ZMAT4: variants seen among roughly 807,000 people sequenced by gnomAD.
ZMAT4 encodes zinc finger matrin-type 4.
Under a neutral mutation model 28.7 loss-of-function variants are expected in ZMAT4, and 17 were observed. That is an observed-to-expected ratio of 0.59 (90% confidence interval 0.41 to 0.89). The LOEUF (loss-of-function observed/expected upper bound fraction) is 0.89. Among genes scored for constraint, ZMAT4 ranks in the 40% least tolerant of loss-of-function variants. ZMAT4 has a pLI of 0.00. For synonymous variants in ZMAT4, 117 were observed against 109.2 expected (o/e 1.07, Z -0.44); for missense variants, 240 against 283.8 (o/e 0.85, Z 1.11).
chr8:40,717,796 T>G (rs1274282222), intron 3 of ZMAT4, among the ~76,000 whole-genome samples: 2 of 152,184 alleles, frequency 1.3e-5, no homozygotes, highest in African/African-American at 4.8e-5. Context: ...GAACCTACTT[T>G]ACTAAAGTTA....
chr8:40,861,318 A>G (rs1250965468), intron 1 of ZMAT4, among the ~76,000 whole-genome samples: 1 of 152,252 alleles, frequency 6.6e-6, no homozygotes, highest in Non-Finnish European at 1.5e-5. Flanking sequence ...AAAACAAGCA[A>G]TGGGGAAAGA....
chr8:40,599,119 C>T (rs1805203731), intron 5 of ZMAT4, among the ~76,000 whole-genome samples: 2 of 152,294 alleles, frequency 1.3e-5, no homozygotes, highest in South Asian at 4.2e-4. Flanking sequence ...ACTACACATT[C>T]CCTTATTGTA....
chr8:40,684,290 C>A (rs1394445693), intron 4 of ZMAT4, among the ~76,000 whole-genome samples: 1 of 152,176 alleles, frequency 6.6e-6, no homozygotes, highest in Non-Finnish European at 1.5e-5. Context: ...GATCTGCTAA[C>A]TGGGCACTGC....
chr8:40,558,502 A>G (rs1414744112), intron 6 of ZMAT4, among the ~76,000 whole-genome samples: 1 of 152,054 alleles, frequency 6.6e-6, no homozygotes, highest in East Asian at 1.9e-4. Context: ...TGGCTTATGG[A>G]CAGATGTGGA....
intron 4 of ZMAT4, among the ~76,000 whole-genome samples, chr8:40,676,431 G>A (rs1808912960): frequency 6.6e-6 from 1 of 152,126 alleles, no homozygotes; most frequent in Non-Finnish European, 1.5e-5. Flanking sequence ...TCCTGTGTGT[G>A]TTCTTGGTCT....
chr8:40,534,910 T>G (rs1050933123), intron 6 of ZMAT4, among the ~76,000 whole-genome samples: 19 of 152,122 alleles, frequency 1.2e-4, no homozygotes, highest in Non-Finnish European at 1.9e-4. Context: ...CTCAAACTCC[T>G]GACCTCAGGT....
At chr8:40,780,026 C>G (rs1463160874) in intron 2 of ZMAT4, among the ~76,000 whole-genome samples, 1 of 152,096 alleles carries the variant, frequency 6.6e-6, no homozygotes, top group African/African-American at 2.4e-5. Context: ...ATCTTTCCCT[C>G]CCCTCCCAAC....
At chr8:40,801,345 A>ATATATATATATAT in intron 2 of ZMAT4, among the ~76,000 whole-genome samples, 1 of 49,052 alleles carries the variant, frequency 2.0e-5, no homozygotes, top group African/African-American at 9.5e-5. Context: ...TTTCTTTAAA[A>ATATATATATATAT]AAAAAAATAT....
intron 2 of ZMAT4, among the ~76,000 whole-genome samples, chr8:40,770,467 C>A (rs1270545048): frequency 6.6e-6 from 1 of 152,000 alleles, no homozygotes; most frequent in Non-Finnish European, 1.5e-5. Flanking sequence ...TGGAGACCTG[C>A]CAGGGAGCCC....
At chr8:40,698,217 T>G (rs1355014794) in intron 3 of ZMAT4, among the ~76,000 whole-genome samples, 3 of 152,158 alleles carry the variant, frequency 2.0e-5, no homozygotes, top group Non-Finnish European at 4.4e-5. Flanking sequence ...GGTGATTCAT[T>G]AAATGCTGCA....
At chr8:40,889,060 C>A (rs2150669849) in intron 1 of ZMAT4, among the ~76,000 whole-genome samples, 1 of 152,326 alleles carries the variant, frequency 6.6e-6, no homozygotes, top group African/African-American at 2.4e-5. Context: ...GTGACCCTGA[C>A]CAAGACAGCC....
rs75173854 is a variant in ZMAT4, at chr8:40,678,930, A to G, written c.350-3999T>C. Among the ~76,000 whole-genome samples, 71 of 152,348 alleles carry G rather than the reference A, an allele frequency of 4.7e-4. 2 individuals are homozygous for G. In the East Asian group the frequency reaches 0.013, roughly 28 times the overall value. On this transcript the variant is annotated intron_variant, in intron 4 of 6. Transcript: ENST00000297737. ...GGTCATGGACTGCTGTCCTATCTCCATATAAACACAGTGTATGGTATCTGT... is the reference window on the plus strand; with the variant it reads ...GGTCATGGACTGCTGTCCTATCTCCGTATAAACACAGTGTATGGTATCTGT...
intron 3 of ZMAT4, among the ~76,000 whole-genome samples, chr8:40,728,298 T>C (rs1269284732): frequency 6.6e-6 from 1 of 152,244 alleles, no homozygotes; most frequent in Admixed American, 6.5e-5. Flanking sequence ...TTAGTTAAAG[T>C]GATGCTAACC....
intron 1 of ZMAT4, among the ~76,000 whole-genome samples, chr8:40,876,300 T>C (rs1818039893): frequency 6.6e-6 from 1 of 152,072 alleles, no homozygotes; most frequent in Non-Finnish European, 1.5e-5. Context: ...AAATAGTATA[T>C]ACATTTTCTT....
chr8:40,716,647 G>T lies in ZMAT4; in HGVS notation c.193-19246C>A, dbSNP rs371785605. On this transcript the variant is annotated intron_variant, in intron 3 of 6. Transcript: ENST00000297737. ...GTGGAGGTTGTGGTGAACTGAGATC[G>T]TGCCACTGCACACCAGCCTGGGCGA... 1.3e-3 allele frequency among the ~76,000 whole-genome samples: 198 copies of T among 152,274 alleles called. 3 individuals carry two copies. In the South Asian group the frequency reaches 0.035, roughly 27 times the overall value.
intron 6 of ZMAT4, among the ~76,000 whole-genome samples, chr8:40,542,483 GGC>G (rs1327804222): frequency 1.3e-5 from 2 of 152,010 alleles, no homozygotes; most frequent in East Asian, 3.9e-4. Context: ...CAAACTCCTG[GGC>G]TCAAGTGATC....
In ZMAT4 at chr8:40,714,170, A is replaced by G. The variant is rs186244049; in HGVS notation, c.193-16769T>C. ...TAGAGAAACAGTCTTTTGGATAGTG[A>G]TTTGAGAATGTGGATCAAACACCTT... On this transcript the variant is annotated intron_variant, in intron 3 of 6. Coordinates refer to ENST00000297737, the MANE Select transcript of ZMAT4 (RefSeq NM_024645.3). Among the ~76,000 whole-genome samples the G allele has an allele frequency of 5.3e-5, 8 of 152,230 alleles. No individual in the cohort carries two copies. In the East Asian group the frequency reaches 1.5e-3, roughly 29 times the overall value.
At chr8:40,873,671 G>T (rs947845246) in intron 1 of ZMAT4, among the ~76,000 whole-genome samples, 1 of 152,170 alleles carries the variant, frequency 6.6e-6, no homozygotes, top group Non-Finnish European at 1.5e-5. Context: ...GCCATGCTCT[G>T]CCCATGGAAG....
intron 1 of ZMAT4, among the ~76,000 whole-genome samples, chr8:40,875,747 C>A (rs775749965): frequency 6.6e-6 from 1 of 152,120 alleles, no homozygotes; most frequent in Admixed American, 6.5e-5. Context: ...GCCCACAGTG[C>A]CCGGGCCGGT....
Sources: gnomAD v4.1 joint callset for allele counts (sites outside exome capture counted in the v4.1 genomes callset) on GRCh38, gnomAD v4.1.1 for gene constraint, MANE v1.5 for transcripts, NCBI Gene and HGNC (gene_info 2026-07-23, HGNC 2026-07-21) for gene names.